The following RYR3 variants were observed in gnomAD, a reference collection of about 807,000 sequenced individuals.
The protein encoded by RYR3 is brain ryanodine receptor-calcium release channel.
Under a neutral mutation model 584.3 loss-of-function variants are expected in RYR3, and 207 were observed. That is an observed-to-expected ratio of 0.35 (90% CI 0.32 to 0.40). RYR3 has a LOEUF of 0.40. RYR3 is among the 10% of genes least tolerant of loss of function. The pLI, the probability that RYR3 is intolerant of heterozygous loss-of-function variation, is 1.00. For missense variants in RYR3, 5,616 were observed against 6,089.2 expected, an observed-to-expected ratio of 0.92 and a Z score of 2.59; for synonymous variants, 2,416 against 2,248.5, an observed-to-expected ratio of 1.07 and a Z score of -2.11.
In RYR3 at chr15:33,503,637, C is replaced by G. The variant is rs1395303451; in HGVS notation, c.178C>G (p.Pro60Ala). The G allele has an allele frequency of 2.5e-6, 4 of 1,598,924 alleles. No individual in the cohort carries two copies. The highest frequency in any genetic ancestry group is 3.4e-6 in the Non-Finnish European group (4 of 1,167,792). The change falls in exon 3 of 104, where the codon CCT becomes GCT. Residue 60 changes from proline to alanine, a missense_variant. Coordinates refer to ENST00000634891, the MANE Select transcript of RYR3 (RefSeq NM_001036.6). ...LEPTSEAKYIPPDLCVCNFVL... is the reference protein window; with the variant it reads ...LEPTSEAKYIAPDLCVCNFVL... ...TCTGATTTTATTTCCACAGTACATT[C>G]CTCCAGATCTCTGCGTCTGCAATTT...
intron 23 of RYR3, among the ~76,000 whole-genome samples, chr15:33,631,759 A>G (rs181135674): frequency 2.4e-4 from 37 of 152,202 alleles, no homozygotes; most frequent in East Asian, 1.5e-3. Context: ...ACAGTTGCAC[A>G]TTTCTTGTCC....
intron 48 of RYR3, 128 bp downstream of exon 48, chr15:33,731,822 C>T (rs1343572460): frequency 4.4e-6 from 3 of 680,940 alleles, no homozygotes; most frequent in Admixed American, 4.2e-5. Context: ...CCAGCCCTCC[C>T]CCAGACATCT....
intron 10 of RYR3, among the ~76,000 whole-genome samples, chr15:33,555,385 G>A (rs1175693932): frequency 6.6e-6 from 1 of 152,186 alleles, no homozygotes; most frequent in Non-Finnish European, 1.5e-5. Flanking sequence ...GGAAAATACG[G>A]ATAGTAAGAT....
At chr15:33,462,905 G>A (rs59918853) in intron 1 of RYR3, among the ~76,000 whole-genome samples, 18,649 of 152,176 alleles carry the variant, frequency 0.12, 1,465 homozygotes, top group East Asian at 0.35. Flanking sequence ...CAGGTCAGGT[G>A]TGGTGGCTCA....
At chr15:33,804,921 T>A (rs954520103) in intron 69 of RYR3, among the ~76,000 whole-genome samples, 1 of 152,224 alleles carries the variant, frequency 6.6e-6, no homozygotes, top group East Asian at 1.9e-4. Context: ...ACACCACATA[T>A]GCCGTTGCGA....
At chr15:33,561,861 T>C (rs1239843954) in intron 10 of RYR3, among the ~76,000 whole-genome samples, 1 of 151,264 alleles carries the variant, frequency 6.6e-6, no homozygotes, top group Non-Finnish European at 1.5e-5. Flanking sequence ...ATTGTACCAC[T>C]GTCCTCCAGC....
intron 1 of RYR3, among the ~76,000 whole-genome samples, chr15:33,462,059 G>A (rs2048082315): frequency 6.6e-6 from 1 of 152,236 alleles, no homozygotes; most frequent in Admixed American, 6.5e-5. Flanking sequence ...GGACAGGACA[G>A]TTCAGAGGCC....
intron 11 of RYR3, among the ~76,000 whole-genome samples, chr15:33,564,429 A>G (rs2057586232): frequency 6.6e-6 from 1 of 152,150 alleles, no homozygotes; most frequent in South Asian, 2.1e-4. Context: ...AAAATACAGT[A>G]GGCTTTCCGT....
chr15:33,392,048 T>C (rs1595947487), intron 1 of RYR3, among the ~76,000 whole-genome samples: 1 of 152,072 alleles, frequency 6.6e-6, no homozygotes, highest in Non-Finnish European at 1.5e-5. Flanking sequence ...TTCTGCACTT[T>C]GTTTTCAGAG....
Position 33,445,952 on chromosome 15 carries a change from G to C in RYR3, c.52-27467G>C, listed in dbSNP as rs112970666. On this transcript the variant is annotated intron_variant, in intron 1 of 103. Transcript: ENST00000634891. ...CTGGGACCCTGAGACGCGTTAGTAGGAAATGTTGTAGACTTGCTTCCTTTA... is the reference window on the plus strand; with the variant it reads ...CTGGGACCCTGAGACGCGTTAGTAGCAAATGTTGTAGACTTGCTTCCTTTA... 1.6e-3 allele frequency among the ~76,000 whole-genome samples: 240 copies of C among 152,240 alleles called. 1 individual carries two copies. The highest frequency in any genetic ancestry group is 5.4e-3 in the African/African-American group (225 of 41,530).
chr15:33,524,004 G>C (rs1408391372), intron 3 of RYR3, among the ~76,000 whole-genome samples: 1 of 152,162 alleles, frequency 6.6e-6, no homozygotes, highest in African/African-American at 2.4e-5. Flanking sequence ...GTTTCCTGAG[G>C]ATCCTGGCAA....
chr15:33,539,203 G>C (rs1352631266), intron 5 of RYR3, 147 bp from the exon 6 acceptor site: 2 of 585,580 alleles, frequency 3.4e-6, no homozygotes, highest in Admixed American at 5.7e-5. Context: ...TGTCTGGAAC[G>C]GTTAGAGACC....
intron 1 of RYR3, among the ~76,000 whole-genome samples, chr15:33,360,643 A>G (rs1459082372): frequency 6.6e-6 from 1 of 152,226 alleles, no homozygotes; most frequent in African/African-American, 2.4e-5. Context: ...ATACCTAGAT[A>G]TGGCTTAAAA....
At chr15:33,827,081 C>A in intron 84 of RYR3, 118 bp from the exon 85 acceptor site, 2 of 875,082 alleles carry the variant, frequency 2.3e-6, no homozygotes, top group Admixed American at 2.1e-5. Flanking sequence ...ATGACCCAAA[C>A]ATGGTATTCT....
At chr15:33,693,222 G>C (rs78589811) in intron 38 of RYR3, among the ~76,000 whole-genome samples, 3 of 152,202 alleles carry the variant, frequency 2.0e-5, no homozygotes, top group Non-Finnish European at 4.4e-5. Flanking sequence ...GCATCCATAC[G>C]TATTGGTGGT....
intron 1 of RYR3, among the ~76,000 whole-genome samples, chr15:33,350,806 C>A (rs1197244480): frequency 6.6e-6 from 1 of 150,966 alleles, no homozygotes; most frequent in Non-Finnish European, 1.5e-5. Flanking sequence ...CAAGAGAAAG[C>A]AGGAAAGATC....
intron 94 of RYR3, chr15:33,852,357 TA>T (rs1212910603): frequency 6.6e-6 from 1 of 152,118 alleles, no homozygotes; most frequent in Non-Finnish European, 1.5e-5. Flanking sequence ...CAGTAAGAAA[TA>T]TTTGCAGTGG....
intron 32 of RYR3, among the ~76,000 whole-genome samples, chr15:33,656,792 A>C (rs1355502452): frequency 6.6e-6 from 1 of 152,002 alleles, no homozygotes; most frequent in East Asian, 1.9e-4. Context: ...ACATTCCTTT[A>C]CACGTGGCCC....
intron 98 of RYR3, chr15:33,856,394 T>TGA (rs1452492575): frequency 6.6e-6 from 1 of 152,240 alleles, no homozygotes; most frequent in Non-Finnish European, 1.5e-5. Context: ...GCCTAGTCCT[T>TGA]GAGAGAGGTC....
Sources: gnomAD v4.1 joint callset for allele counts (sites outside exome capture counted in the v4.1 genomes callset) on GRCh38, gnomAD v4.1.1 for gene constraint, MANE v1.5 for transcripts, NCBI Gene and HGNC (gene_info 2026-07-23, HGNC 2026-07-21) for gene names.